PDE4B: variants seen among roughly 807,000 people sequenced by gnomAD.
PDE4B encodes the protein phosphodiesterase 4B, also known as 3',5'-cyclic-AMP phosphodiesterase 4B.
In PDE4B, 20 loss-of-function variants were observed where a neutral mutation model predicts 82.2. The ratio of observed to expected loss-of-function variants is 0.24; its 90% CI spans 0.17 to 0.35. PDE4B has a LOEUF of 0.35. PDE4B is among the 10% of genes least tolerant of loss of function. PDE4B has a pLI of 1.00. For synonymous variants in PDE4B, 320 were observed against 318.9 expected (o/e 1.00, Z -0.04); for missense variants, 655 against 907.2 (o/e 0.72, Z 3.57).
At chr1:66,135,520 G>A (rs746826089) in intron 3 of PDE4B, among the ~76,000 whole-genome samples, 1 of 152,148 alleles carries the variant, frequency 6.6e-6, no homozygotes, top group Non-Finnish European at 1.5e-5. Context: ...TGGAGATAAT[G>A]ATTGAAATAT....
intron 3 of PDE4B, among the ~76,000 whole-genome samples, chr1:66,054,464 G>A (rs1225496007): frequency 6.6e-6 from 1 of 152,130 alleles, no homozygotes; most frequent in Non-Finnish European, 1.5e-5. Flanking sequence ...CTTTTAGTAA[G>A]TTCTAGATAT....
intron 1 of PDE4B, among the ~76,000 whole-genome samples, chr1:65,827,836 A>G (rs184938455): frequency 6.6e-6 from 1 of 152,328 alleles, no homozygotes; most frequent in East Asian, 1.9e-4. Flanking sequence ...AAAACCTCAC[A>G]CTTCAACATA....
intron 3 of PDE4B, among the ~76,000 whole-genome samples, chr1:66,038,020 G>C (rs1476033868): frequency 6.6e-6 from 1 of 152,124 alleles, no homozygotes; most frequent in African/African-American, 2.4e-5. Flanking sequence ...AATTTGTATA[G>C]AGTAAAATTG....
chr1:65,814,573 C>T (rs1031286621), intron 1 of PDE4B, among the ~76,000 whole-genome samples: 1 of 152,150 alleles, frequency 6.6e-6, no homozygotes, highest in Non-Finnish European at 1.5e-5. Context: ...CCATTACTCT[C>T]GAAAGTTTCC....
intron 1 of PDE4B, among the ~76,000 whole-genome samples, chr1:65,865,333 G>A (rs964584273): frequency 2.6e-5 from 4 of 151,484 alleles, no homozygotes; most frequent in African/African-American, 7.3e-5. Context: ...AGTGGGACCC[G>A]CTGAGTGAGA....
At chr1:66,201,026 A>G (rs1258237681) in intron 3 of PDE4B, among the ~76,000 whole-genome samples, 2 of 152,134 alleles carry the variant, frequency 1.3e-5, no homozygotes, top group African/African-American at 4.8e-5. Context: ...TCCCATCAAT[A>G]CCTAATTTAT....
rs200925983 is a variant in PDE4B at position 66,090,616 on chromosome 1, A to ATGT, written c.282-156844_282-156843insTGT. ...CAAAATTATATATATATATGTATATAATATATGTGTGTGTGTGTGTGTGTA... is the reference window on the plus strand; with the variant it reads ...CAAAATTATATATATATATGTATATATGTATATATGTGTGTGTGTGTGTGTGTA... On this transcript the variant is annotated intron_variant, in intron 3 of 16. Transcript: ENST00000341517. Among the ~76,000 whole-genome samples, 42 of 89,936 alleles carry ATGT rather than the reference A, an allele frequency of 4.7e-4. 1 individual carries two copies. Among genetic ancestry groups the ATGT allele is most frequent in the African/African-American group, 1.7e-3 (38 of 21,928 alleles). 59.0% of individuals were successfully genotyped at this position (89,936 alleles called of 152,430 possible). A position where few individuals can be genotyped will look rare whatever the true frequency, so the allele number is the denominator to read the frequency against.
intron 3 of PDE4B, among the ~76,000 whole-genome samples, chr1:66,141,660 A>T (rs1312083414): frequency 6.6e-6 from 1 of 151,962 alleles, no homozygotes; most frequent in Admixed American, 6.6e-5. Flanking sequence ...TATACATACA[A>T]TACTTGCCGG....
intron 3 of PDE4B, among the ~76,000 whole-genome samples, chr1:66,022,546 C>G (rs894963192): frequency 4.6e-5 from 7 of 152,158 alleles, no homozygotes; most frequent in African/African-American, 1.7e-4. Flanking sequence ...AAGGCCCTTT[C>G]TGCATCTATT....
At chr1:66,045,621 G>A (rs75560147) in intron 3 of PDE4B, among the ~76,000 whole-genome samples, 4 of 151,474 alleles carry the variant, frequency 2.6e-5, no homozygotes, top group Admixed American at 1.3e-4. Context: ...TCACCACAAA[G>A]ATGGCTAAGA....
At chr1:65,856,361 T>C (rs1646392805) in intron 1 of PDE4B, among the ~76,000 whole-genome samples, 1 of 152,112 alleles carries the variant, frequency 6.6e-6, no homozygotes, top group African/African-American at 2.4e-5. Context: ...GGCCCTGGTG[T>C]GTCATGTTCC....
intron 1 of PDE4B, among the ~76,000 whole-genome samples, chr1:65,814,511 GTGACTA>G (rs1228999542): frequency 6.6e-6 from 1 of 152,042 alleles, no homozygotes; most frequent in Non-Finnish European, 1.5e-5. Flanking sequence ...CTACAATTTA[GTGACTA>G]TTGACAAATG....
At chr1:66,333,916 A>G (rs1660316462) in intron 8 of PDE4B, among the ~76,000 whole-genome samples, 1 of 152,208 alleles carries the variant, frequency 6.6e-6, no homozygotes, top group African/African-American at 2.4e-5. Context: ...AGGATTAACT[A>G]TTTATTGACT....
At chr1:66,077,586 A>G (rs1325930650) in intron 3 of PDE4B, among the ~76,000 whole-genome samples, 1 of 152,142 alleles carries the variant, frequency 6.6e-6, no homozygotes, top group Non-Finnish European at 1.5e-5. Context: ...AAGTGAATGA[A>G]TGAATGGTAT....
At chr1:65,805,199 AG>A (rs1645741413) in intron 1 of PDE4B, among the ~76,000 whole-genome samples, 1 of 152,176 alleles carries the variant, frequency 6.6e-6, no homozygotes, top group Non-Finnish European at 1.5e-5. Flanking sequence ...TCCTGAACTC[AG>A]GTGATCTACC....
intron 1 of PDE4B, among the ~76,000 whole-genome samples, chr1:65,796,300 C>T (rs1645630881): frequency 1.3e-5 from 2 of 152,308 alleles, no homozygotes; most frequent in South Asian, 4.1e-4. Flanking sequence ...TCTTCAAACA[C>T]AAAAGTGTTT....
chr1:65,964,786 T>A (rs1482183119), intron 3 of PDE4B, among the ~76,000 whole-genome samples: 1 of 152,166 alleles, frequency 6.6e-6, no homozygotes, highest in Non-Finnish European at 1.5e-5. Context: ...TGCTAAGTGG[T>A]GAATTCAGCT....
At chr1:66,004,621 G>GT (rs1306921144) in intron 3 of PDE4B, among the ~76,000 whole-genome samples, 4 of 151,724 alleles carry the variant, frequency 2.6e-5, no homozygotes, top group South Asian at 2.1e-4. Flanking sequence ...ATGAAGCACT[G>GT]TTTTTTTTAA....
intron 1 of PDE4B, among the ~76,000 whole-genome samples, chr1:65,830,305 A>G (rs908124823): frequency 6.6e-6 from 1 of 152,320 alleles, no homozygotes; most frequent in Non-Finnish European, 1.5e-5. Flanking sequence ...TACATAATCT[A>G]TGAAATATTG....
Sources: allele counts gnomAD v4.1 joint callset (sites outside exome capture counted in the v4.1 genomes callset), GRCh38; gene constraint gnomAD v4.1.1; transcripts MANE v1.5; gene names NCBI Gene and HGNC (gene_info 2026-07-23, HGNC 2026-07-21).